Variants in ZMAT4 observed in about 807,000 individuals in gnomAD.
ZMAT4 encodes the protein zinc finger matrin-type 4.
ZMAT4 carries 17 observed loss-of-function variants against 28.7 expected under a neutral mutation model. The observed-to-expected ratio is 0.59, with a 90% CI of 0.41 to 0.89. The LOEUF is 0.89. ZMAT4 is among the 40% of genes least tolerant of loss of function. ZMAT4 has a pLI of 0.00. For missense variants in ZMAT4, 240 were observed against 283.8 expected, an observed-to-expected ratio of 0.85 and a Z score of 1.11; for synonymous variants, 117 against 109.2, an observed-to-expected ratio of 1.07 and a Z score of -0.44.
intron 5 of ZMAT4, among the ~76,000 whole-genome samples, chr8:40,668,468 C>CAA (rs71224843): frequency 3.5e-5 from 3 of 85,008 alleles, no homozygotes; most frequent in African/African-American, 9.4e-5. Context: ...GACTTTGTCT[C>CAA]AAAAAAAAAA....
At chr8:40,650,978 T>C (rs1288767700) in intron 5 of ZMAT4, among the ~76,000 whole-genome samples, 2 of 149,872 alleles carry the variant, frequency 1.3e-5, no homozygotes, top group African/African-American at 4.9e-5. Flanking sequence ...TCATACTGAA[T>C]GGGCAAAAAC....
chr8:40,711,192 G>A (rs1250481954), intron 3 of ZMAT4, among the ~76,000 whole-genome samples: 1 of 152,076 alleles, frequency 6.6e-6, no homozygotes, highest in African/African-American at 2.4e-5. Flanking sequence ...ATTAGACACT[G>A]ATAAAAGAAA....
At chr8:40,651,236 A>T (rs1173079822) in intron 5 of ZMAT4, among the ~76,000 whole-genome samples, 2 of 152,150 alleles carry the variant, frequency 1.3e-5, no homozygotes, top group African/African-American at 2.4e-5. Flanking sequence ...AAGTCTCAGG[A>T]TACAAAATCA....
chr8:40,762,676 A>G (rs758881706), intron 3 of ZMAT4, among the ~76,000 whole-genome samples: 1 of 152,166 alleles, frequency 6.6e-6, no homozygotes. Flanking sequence ...AAAAACAAAA[A>G]TGAAAAGATA....
chr8:40,591,266 G>A (rs1210680726), intron 5 of ZMAT4, among the ~76,000 whole-genome samples: 1 of 152,188 alleles, frequency 6.6e-6, no homozygotes, highest in Non-Finnish European at 1.5e-5. Flanking sequence ...TGAAAGAGCA[G>A]TTAGTACAGT....
chr8:40,588,286 A>G (rs1804735570), intron 5 of ZMAT4, among the ~76,000 whole-genome samples: 1 of 152,110 alleles, frequency 6.6e-6, no homozygotes. Flanking sequence ...TAGATTTTAT[A>G]AAAAGCAAAA....
intron 3 of ZMAT4, among the ~76,000 whole-genome samples, chr8:40,697,712 C>T (rs576725360): frequency 1.5e-5 from 2 of 134,518 alleles, no homozygotes; most frequent in African/African-American, 5.4e-5. Flanking sequence ...CTCCCCTAGC[C>T]CCCCCACCCC....
At chr8:40,673,113 T>C (rs1808749582) in intron 5 of ZMAT4, among the ~76,000 whole-genome samples, 3 of 152,202 alleles carry the variant, frequency 2.0e-5, no homozygotes, top group Admixed American at 2.0e-4. Flanking sequence ...GATTCTTCCA[T>C]GATGACTTCT....
chr8:40,685,501 A>G (rs1809362504), intron 4 of ZMAT4, among the ~76,000 whole-genome samples: 1 of 152,204 alleles, frequency 6.6e-6, no homozygotes, highest in Non-Finnish European at 1.5e-5. Flanking sequence ...ACCCACAATT[A>G]TTAATTTAAC....
At chr8:40,547,447 G>C (rs1002795463) in intron 6 of ZMAT4, among the ~76,000 whole-genome samples, 4 of 152,200 alleles carry the variant, frequency 2.6e-5, no homozygotes, top group Non-Finnish European at 5.9e-5. Flanking sequence ...CAGCATGAAG[G>C]ATAGGGCGTG....
chr8:40,708,616 A>G (rs2150505475), intron 3 of ZMAT4, among the ~76,000 whole-genome samples: 1 of 103,510 alleles, frequency 9.7e-6, no homozygotes, highest in African/African-American at 3.1e-5. Context: ...TCTCTCAAAG[A>G]AGCTCTGTTA....
chr8:40,761,172 G>A (rs1396441592), intron 3 of ZMAT4, among the ~76,000 whole-genome samples: 2 of 151,968 alleles, frequency 1.3e-5, no homozygotes, highest in Non-Finnish European at 2.9e-5. Context: ...CTCTATCTTG[G>A]CCAAATGTGT....
At chr8:40,840,022 T>G (rs1162940147) in intron 1 of ZMAT4, among the ~76,000 whole-genome samples, 3 of 152,208 alleles carry the variant, frequency 2.0e-5, no homozygotes, top group Non-Finnish European at 4.4e-5. Context: ...CAGTGGGCTG[T>G]GAGATGCCTA....
chr8:40,847,214 C>CAAA lies in ZMAT4; in HGVS notation c.-4-21537_-4-21535dup, dbSNP rs372935416. On this transcript the variant is annotated intron_variant, in intron 1 of 6. Coordinates refer to ENST00000297737, the MANE Select transcript of ZMAT4 (RefSeq NM_024645.3). ...GAAAGATTCCATCTAAAAAAACAAA[C>CAAA]AAACAAAAAAAAAAAACTGGGGGAA... 2.2e-3 allele frequency among the ~76,000 whole-genome samples: 217 copies of CAAA among 99,576 alleles called. 5 individuals are homozygous for CAAA. Among genetic ancestry groups the CAAA allele is most frequent in the East Asian group, 8.8e-3 (40 of 4,526 alleles). The allele number at this position is 99,576 out of a possible 152,430, so 65.3% of individuals were successfully genotyped here. A position where few individuals can be genotyped will look rare whatever the true frequency, so the allele number is the denominator to read the frequency against.
At chr8:40,789,363 A>G (rs1200848186) in intron 2 of ZMAT4, among the ~76,000 whole-genome samples, 4 of 152,158 alleles carry the variant, frequency 2.6e-5, no homozygotes, top group South Asian at 2.1e-4. Flanking sequence ...TCTATATGCA[A>G]TATTGTACTG....
At chr8:40,809,506 T>C (rs1248711397) in intron 2 of ZMAT4, among the ~76,000 whole-genome samples, 2 of 152,128 alleles carry the variant, frequency 1.3e-5, no homozygotes, top group East Asian at 1.9e-4. Context: ...GAAAAGAAAT[T>C]AAAGGCATGG....
chr8:40,619,623 AG>A (rs1377505880), intron 5 of ZMAT4, among the ~76,000 whole-genome samples: 3 of 152,210 alleles, frequency 2.0e-5, no homozygotes, highest in African/African-American at 4.8e-5. Context: ...ACAGGCATGC[AG>A]GGGCAAGGTC....
chr8:40,675,002 C>G (rs908991963), intron 4 of ZMAT4, 71 bp from the exon 5 acceptor site: 1 of 1,235,532 alleles, frequency 8.1e-7, no homozygotes, highest in Admixed American at 1.9e-5. Context: ...CCTCAATACC[C>G]GAAGACCAAA....
At chr8:40,569,575 AC>A (rs1804027975) in intron 6 of ZMAT4, among the ~76,000 whole-genome samples, 1 of 152,150 alleles carries the variant, frequency 6.6e-6, no homozygotes, top group African/African-American at 2.4e-5. Context: ...ACTCCCTCTT[AC>A]CCATCCCTGT....
Sources: allele counts gnomAD v4.1 joint callset (sites outside exome capture counted in the v4.1 genomes callset), GRCh38; gene constraint gnomAD v4.1.1; transcripts MANE v1.5; gene names NCBI Gene and HGNC (gene_info 2026-07-23, HGNC 2026-07-21).